The following DOCK3 variants were observed in gnomAD, a reference collection of about 807,000 sequenced individuals.
DOCK3 encodes the protein dedicator of cytokinesis protein 3.
A neutral mutation model predicts 265.6 loss-of-function variants in DOCK3; 60 were observed. The observed-to-expected ratio is 0.23, with a 90% confidence interval of 0.18 to 0.28. The LOEUF (loss-of-function observed/expected upper bound fraction) is 0.28. DOCK3 is among the 10% of genes least tolerant of loss of function. The pLI is 1.00. For missense variants in DOCK3, 1,981 were observed against 2,594.3 expected, an observed-to-expected ratio of 0.76 and a Z score of 5.14; for synonymous variants, 881 against 938.0, an observed-to-expected ratio of 0.94 and a Z score of 1.11.
At chr3:50,936,126 A>G (rs1244889045) in intron 5 of DOCK3, among the ~76,000 whole-genome samples, 2 of 152,144 alleles carry the variant, frequency 1.3e-5, no homozygotes, top group African/African-American at 2.4e-5. Flanking sequence ...ACCAAATGAA[A>G]ATGATAGAAC....
rs1213982243 is a variant in DOCK3, at chr3:50,904,678, A to ATGAT, written c.218+14598_218+14599insGATT. On this transcript the variant is annotated intron_variant, in intron 4 of 52. Transcript: ENST00000266037. ...CTTTGTAGATTCTGGATATTAGCCC[A>ATGAT]TTGTCAGATGAGTAGATTGCAAAAA... is the stretch of plus-strand genomic sequence containing the variant. Among the ~76,000 whole-genome samples the ATGAT allele has an allele frequency of 2.1e-3, 321 of 152,042 alleles. 3 individuals carry two copies. The highest frequency in any genetic ancestry group is 7.4e-3 in the African/African-American group (307 of 41,374).
At chr3:51,101,115 T>TTC (rs2083068388) in intron 9 of DOCK3, among the ~76,000 whole-genome samples, 2 of 143,468 alleles carry the variant, frequency 1.4e-5, no homozygotes, top group African/African-American at 5.1e-5. Context: ...TAGTCTTTCT[T>TTC]TTTTTTTTTT....
At chr3:50,803,056 GTATTTATTTATTTATT>G (rs546247727) in intron 2 of DOCK3, among the ~76,000 whole-genome samples, 11 of 147,858 alleles carry the variant, frequency 7.4e-5, no homozygotes, top group African/African-American at 2.7e-4. Context: ...ATGTATTTAT[GTATTTATTTATTTATT>G]TATTTATTTA....
In DOCK3 at chr3:51,359,549, TTGAC is replaced by T. The variant is rs1448515374; in HGVS notation, c.4885-959_4885-956del. 2.0e-5 allele frequency among the ~76,000 whole-genome samples: 3 copies of T among 152,214 alleles called. No individual in the cohort carries two copies. Among genetic ancestry groups the T allele is most frequent in the Non-Finnish European group, 2.9e-5 (2 of 68,038 alleles). On this transcript the variant is annotated intron_variant, in intron 46 of 52. Coordinates refer to ENST00000266037, the MANE Select transcript of DOCK3 (RefSeq NM_004947.5). The surrounding 1 kb of genome is among the most constrained non-coding windows in gnomAD (Gnocchi z 4.8). ...TCTCATTCCAGGGTCTCCTGCCTGTTTGACTGGTCTCTGCTGTGTGCAAACTTCC... is the reference window on the plus strand; with the variant it reads ...TCTCATTCCAGGGTCTCCTGCCTGTTTGGTCTCTGCTGTGTGCAAACTTCC...
chr3:50,913,574 C>T (rs1317782880), intron 4 of DOCK3, among the ~76,000 whole-genome samples: 1 of 152,052 alleles, frequency 6.6e-6, no homozygotes, highest in African/African-American at 2.4e-5. Flanking sequence ...TTATTTAGGA[C>T]CCCAGAGCAT....
At chr3:50,883,123 G>T (rs376232292) in intron 3 of DOCK3, among the ~76,000 whole-genome samples, 1 of 152,090 alleles carries the variant, frequency 6.6e-6, no homozygotes, top group Admixed American at 6.6e-5. Flanking sequence ...GTCGTGGGGT[G>T]GGGGAATGGG....
chr3:51,320,876 G>C (rs902911800), intron 32 of DOCK3, among the ~76,000 whole-genome samples: 18 of 152,230 alleles, frequency 1.2e-4, no homozygotes, highest in Non-Finnish European at 2.6e-4. Context: ...AGCACCTGGG[G>C]GAAGGGGCAG....
At chr3:51,020,595 G>A (rs1283624841) in intron 5 of DOCK3, among the ~76,000 whole-genome samples, 1 of 151,760 alleles carries the variant, frequency 6.6e-6, no homozygotes, top group East Asian at 1.9e-4. Context: ...GGGTTTTTAT[G>A]GTTCTGGGTT....
chr3:51,358,106 G>A, intron 46 of DOCK3, 29 bp downstream of exon 46: 2 of 1,603,438 alleles, frequency 1.2e-6, no homozygotes, highest in South Asian at 2.2e-5. Context: ...TGCCCCTGCT[G>A]CAGTAGAACC....
intron 3 of DOCK3, among the ~76,000 whole-genome samples, chr3:50,875,980 A>G (rs996856664): frequency 1.3e-5 from 2 of 152,142 alleles, no homozygotes; most frequent in African/African-American, 4.8e-5. Context: ...CTACTGGAGC[A>G]TTAAAAAAAA....
At chr3:50,721,816 A>G (rs1342547650) in intron 1 of DOCK3, among the ~76,000 whole-genome samples, 1 of 152,188 alleles carries the variant, frequency 6.6e-6, no homozygotes, top group Non-Finnish European at 1.5e-5. Context: ...TGGTTTCTTC[A>G]TGAGCATGGG....
intron 12 of DOCK3, among the ~76,000 whole-genome samples, chr3:51,171,009 G>GT (rs1256705409): frequency 6.7e-6 from 1 of 150,186 alleles, no homozygotes; most frequent in African/African-American, 2.4e-5. Context: ...TGTTAACGAT[G>GT]TTTATCTTTT....
intron 5 of DOCK3, among the ~76,000 whole-genome samples, chr3:51,024,444 G>A (rs2079726059): frequency 6.6e-6 from 1 of 152,196 alleles, no homozygotes; most frequent in African/African-American, 2.4e-5. Context: ...ATGGTGGGCA[G>A]AGGTCCCAGC....
At chr3:50,994,867 A>C (rs1462901380) in intron 5 of DOCK3, among the ~76,000 whole-genome samples, 1 of 152,238 alleles carries the variant, frequency 6.6e-6, no homozygotes, top group Non-Finnish European at 1.5e-5. Flanking sequence ...TAAGAGATCA[A>C]TAAATGTTAC....
chr3:50,733,788 A>T (rs1374516892), intron 1 of DOCK3, among the ~76,000 whole-genome samples: 11 of 150,102 alleles, frequency 7.3e-5, no homozygotes, highest in East Asian at 2.0e-4. Context: ...TTGTTGTTCT[A>T]TTTTTTTTTC....
At chr3:50,889,426 A>G (rs1407849152) in intron 3 of DOCK3, among the ~76,000 whole-genome samples, 1 of 151,042 alleles carries the variant, frequency 6.6e-6, no homozygotes, top group African/African-American at 2.4e-5. Flanking sequence ...ACATCAGGAG[A>G]TGGGGGCGAA....
chr3:51,374,941 G>T lies in DOCK3; in HGVS notation c.5412+354G>T, dbSNP rs2087980847. ...TGAGAAGGCAGTGGTGGACACATTG[G>T]TCTGGAAGATGTTCTTCCTCCCTAT... On this transcript the variant is annotated intron_variant, in intron 50 of 52. Coordinates refer to ENST00000266037, the MANE Select transcript of DOCK3 (RefSeq NM_004947.5). This position sits in a 1 kb window ranked among gnomAD's most constrained non-coding sequence, Gnocchi z 4.8. Among the ~76,000 whole-genome samples, 1 of 152,216 alleles carries T rather than the reference G, an allele frequency of 6.6e-6. No individual in the cohort carries two copies. The highest frequency in any genetic ancestry group is 2.4e-5 in the African/African-American group (1 of 41,452).
At chr3:50,737,112 A>G (rs907238946) in intron 1 of DOCK3, among the ~76,000 whole-genome samples, 1 of 152,182 alleles carries the variant, frequency 6.6e-6, no homozygotes, top group Non-Finnish European at 1.5e-5. Flanking sequence ...GCCATTTGTC[A>G]GATGAGTAGA....
At chr3:50,877,447 A>G (rs1236958994) in intron 3 of DOCK3, 2 of 519,956 alleles carry the variant, frequency 3.8e-6, no homozygotes, top group East Asian at 5.4e-5. Context: ...TTCCCTCACC[A>G]CTTATAAGGC....
Sources: gnomAD v4.1 joint callset for allele counts (sites outside exome capture counted in the v4.1 genomes callset) on GRCh38, gnomAD v4.1.1 for gene constraint, Gnocchi (gnomAD v3.1) non-coding constraint, MANE v1.5 for transcripts, NCBI Gene and HGNC (gene_info 2026-07-23, HGNC 2026-07-21) for gene names.